The following TF variants were observed in gnomAD, a reference collection of about 807,000 sequenced individuals.
TF encodes the protein serotransferrin.
TF carries 55 observed loss-of-function variants against 82.4 expected under a neutral mutation model. The observed-to-expected ratio is 0.67, with a 90% CI of 0.54 to 0.84. TF has a LOEUF of 0.84. TF is among the 40% of genes least tolerant of loss of function. The pLI is 0.00. For missense variants in TF, 737 were observed against 868.4 expected (o/e 0.85, Z 1.90); for synonymous variants, 332 against 332.6 (o/e 1.00, Z 0.02).
At chr3:133,770,705 T>G in intron 14 of TF, 133 bp downstream of exon 14, 1 of 1,076,630 alleles carries the variant, frequency 9.3e-7, no homozygotes, top group Non-Finnish European at 1.4e-6. Context: ...TCAGTCTGTC[T>G]GCTCAGTGAA....
intron 1 of TF, chr3:133,747,024 G>T (rs938381805): frequency 6.1e-5 from 10 of 165,244 alleles, no homozygotes; most frequent in Admixed American, 4.0e-4. Context: ...ATGAGGGTCA[G>T]CGAGGTGGCA....
the TF span, among the ~76,000 whole-genome samples, chr3:133,736,636 A>AAGAAAAAAAAAAAAAAAG: frequency 6.9e-6 from 1 of 145,496 alleles, no homozygotes; most frequent in African/African-American, 2.6e-5. Flanking sequence ...AAAGCCAAAA[A>AAGAAAAAAAAAAAAAAAG]AAAAAAAAAA....
chr3:133,724,236 C>A, the TF span, among the ~76,000 whole-genome samples: 2 of 152,356 alleles, frequency 1.3e-5, no homozygotes, highest in South Asian at 4.1e-4. Context: ...GCCACACTGA[C>A]TTCCACAATG....
At chr3:133,761,219 G>C (rs1003409856) in intron 9 of TF, 7 of 214,772 alleles carry the variant, frequency 3.3e-5, no homozygotes, top group African/African-American at 6.9e-5. Context: ...ATGGCAGAAA[G>C]GATTCCCAGA....
At chr3:133,778,519 C>T (rs1466417805) in intron 16 of TF, 67 bp from the exon 17 acceptor site, 4 of 1,554,292 alleles carry the variant, frequency 2.6e-6, no homozygotes, top group Non-Finnish European at 1.8e-6. Context: ...ATTGTTCAAT[C>T]ACTCGACAGT....
chr3:133,682,239 A>G, the TF span, among the ~76,000 whole-genome samples: 4 of 152,322 alleles, frequency 2.6e-5, no homozygotes, highest in South Asian at 2.1e-4. Flanking sequence ...ATAAAACCAC[A>G]AAGATGGAGA....
chr3:133,689,324 AAAAT>A, the TF span, among the ~76,000 whole-genome samples: 1 of 152,042 alleles, frequency 6.6e-6, no homozygotes. Flanking sequence ...ACTCTGCGTC[AAAAT>A]AAATAAATAA....
chr3:133,727,534 T>G, the TF span, among the ~76,000 whole-genome samples: 1 of 110,182 alleles, frequency 9.1e-6, no homozygotes, highest in Non-Finnish European at 1.9e-5. Flanking sequence ...CCTTTTATTT[T>G]GAGCCTATGT....
At chr3:133,718,188 G>C in the TF span, among the ~76,000 whole-genome samples, 2 of 152,050 alleles carry the variant, frequency 1.3e-5, no homozygotes, top group Non-Finnish European at 2.9e-5. Context: ...GAATAGGGTG[G>C]GATAAATGCA....
the TF span, chr3:133,699,494 G>A: frequency 5.9e-6 from 7 of 1,182,820 alleles, no homozygotes; most frequent in Admixed American, 1.9e-5. Context: ...TGCTTTGCCT[G>A]AACAACACCC....
At chr3:133,775,353 C>T in intron 14 of TF, 80 bp from the exon 15 acceptor site, 1 of 1,470,260 alleles carries the variant, frequency 6.8e-7, no homozygotes, top group Non-Finnish European at 9.5e-7. Flanking sequence ...GTTCTCTACA[C>T]ACCACTGAGT....
At chr3:133,748,668 A>G (rs763107832) in intron 2 of TF, 84 bp downstream of exon 2, 4 of 1,524,962 alleles carry the variant, frequency 2.6e-6, no homozygotes, top group South Asian at 1.2e-5. Context: ...CTTTACTCAC[A>G]GGTAGGAGGC....
At chr3:133,777,846 A>G (rs925045802) in intron 16 of TF, 3 of 158,178 alleles carry the variant, frequency 1.9e-5, no homozygotes, top group African/African-American at 7.2e-5. Flanking sequence ...AAATAGAATA[A>G]AACACATCTT....
At chr3:133,697,552 G>A in the TF span, among the ~76,000 whole-genome samples, 1 of 152,182 alleles carries the variant, frequency 6.6e-6, no homozygotes, top group Admixed American at 6.5e-5. Context: ...AGTCACTTGT[G>A]TGCTATTTTG....
intron 3 of TF, chr3:133,754,069 C>A: frequency 2.3e-6 from 1 of 434,174 alleles, no homozygotes; most frequent in South Asian, 2.2e-5. Flanking sequence ...CTCTGGAGCA[C>A]ACACTCAGAG....
chr3:133,699,444 G>A, the TF span: 1 of 1,231,900 alleles, frequency 8.1e-7, no homozygotes, highest in Non-Finnish European at 1.1e-6. Flanking sequence ...TCCCTCCCCA[G>A]AGAACCTGGC....
the TF span, among the ~76,000 whole-genome samples, chr3:133,719,694 G>A: frequency 6.6e-6 from 1 of 151,996 alleles, no homozygotes; most frequent in South Asian, 2.1e-4. Flanking sequence ...TCTACAGATT[G>A]CTTTGTGTAG....
chr3:133,694,000 G>C, the TF span, among the ~76,000 whole-genome samples: 1 of 152,160 alleles, frequency 6.6e-6, no homozygotes, highest in African/African-American at 2.4e-5. Flanking sequence ...TAAACCCGCA[G>C]GGACCCTGGG....
intron 13 of TF, among the ~76,000 whole-genome samples, chr3:133,769,020 C>G (rs1352574789): frequency 6.6e-6 from 1 of 152,072 alleles, no homozygotes; most frequent in African/African-American, 2.4e-5. Context: ...TCTCAAACTC[C>G]TGGGCTCAAG....
Sources: allele counts gnomAD v4.1 joint callset (sites outside exome capture counted in the v4.1 genomes callset), GRCh38; gene constraint gnomAD v4.1.1; transcripts MANE v1.5; gene names NCBI Gene and HGNC (gene_info 2026-07-23, HGNC 2026-07-21).